Variants in CCSER1 observed in about 807,000 individuals in gnomAD.
CCSER1 encodes the protein coiled-coil serine rich protein 1, also known as serine-rich coiled-coil domain-containing protein 1.
Under a neutral mutation model 82.0 loss-of-function variants are expected in CCSER1, and 41 were observed. The ratio of observed to expected loss-of-function variants is 0.50; its 90% CI spans 0.39 to 0.65. The LOEUF is 0.65. CCSER1 is among the 30% of genes least tolerant of loss of function. The pLI is 0.00. For synonymous variants in CCSER1, 414 were observed against 383.9 expected (o/e 1.08, Z -0.92); for missense variants, 1,119 against 1,064.2 (o/e 1.05, Z -0.72).
chr4:91,539,362 C>G (rs966130155), intron 10 of CCSER1, among the ~76,000 whole-genome samples: 16 of 152,150 alleles, frequency 1.1e-4, no homozygotes, highest in African/African-American at 3.4e-4. Context: ...GACGCTTAAA[C>G]TTATCTTTGA....
In CCSER1 at chr4:91,497,423, C is replaced by T. The variant is rs112385176; in HGVS notation, c.2218-101149C>T. On this transcript the variant is annotated intron_variant, in intron 10 of 10. Coordinates refer to ENST00000509176, the MANE Select transcript of CCSER1 (RefSeq NM_001145065.2). ...AAGAGAAATCAATATCTAGCATTGG[C>T]AAATACTGAAAATAGAGAAATGAAA... Among the ~76,000 whole-genome samples, 234 of 151,554 alleles carry T rather than the reference C, an allele frequency of 1.5e-3. 1 individual carries two copies. Among genetic ancestry groups the T allele is most frequent in the African/African-American group, 5.4e-3 (222 of 41,430 alleles).
intron 1 of CCSER1, among the ~76,000 whole-genome samples, chr4:90,185,453 A>G (rs1448900931): frequency 1.3e-5 from 2 of 152,078 alleles, no homozygotes; most frequent in Non-Finnish European, 2.9e-5. Context: ...GATCTTTGAA[A>G]AAGAAGTCAA....
intron 1 of CCSER1, among the ~76,000 whole-genome samples, chr4:90,290,739 G>A (rs1730777780): frequency 3.3e-5 from 5 of 151,798 alleles, no homozygotes; most frequent in Admixed American, 2.0e-4. Context: ...TTGGAAAGTC[G>A]CTTAAAACTT....
intron 6 of CCSER1, among the ~76,000 whole-genome samples, chr4:90,643,276 AT>A (rs1726902479): frequency 6.6e-6 from 1 of 152,176 alleles, no homozygotes; most frequent in Non-Finnish European, 1.5e-5. Context: ...CATTAAATGA[AT>A]GAATGTGTGT....
intron 10 of CCSER1, among the ~76,000 whole-genome samples, chr4:91,207,895 T>G (rs1171589988): frequency 6.6e-6 from 1 of 151,894 alleles, no homozygotes; most frequent in Non-Finnish European, 1.5e-5. Context: ...ACATCTGATA[T>G]TTTTGACTTT....
At chr4:91,150,333 T>A (rs1305760819) in intron 10 of CCSER1, among the ~76,000 whole-genome samples, 1 of 152,202 alleles carries the variant, frequency 6.6e-6, no homozygotes, top group Non-Finnish European at 1.5e-5. Context: ...TGATTTTGTA[T>A]CCTGAGACTT....
At chr4:90,934,802 A>G (rs147633930) in intron 9 of CCSER1, among the ~76,000 whole-genome samples, 1,946 of 152,204 alleles carry the variant, frequency 0.013, 20 homozygotes, top group Non-Finnish European at 0.022. Flanking sequence ...ATGGTGGCAC[A>G]TGCCTGTAAT....
chr4:91,548,010 CGA>C (rs1476149782), intron 10 of CCSER1, among the ~76,000 whole-genome samples: 1 of 151,990 alleles, frequency 6.6e-6, no homozygotes, highest in Non-Finnish European at 1.5e-5. Flanking sequence ...TTCAAACTCC[CGA>C]GCTCAGGCAA....
intron 10 of CCSER1, among the ~76,000 whole-genome samples, chr4:91,500,949 T>C (rs1220858734): frequency 3.3e-5 from 5 of 151,916 alleles, no homozygotes; most frequent in Non-Finnish European, 7.4e-5. Context: ...TTTGAAGTAA[T>C]TGTGAAATTC....
chr4:90,449,978 C>G (rs1001354157), intron 4 of CCSER1, among the ~76,000 whole-genome samples: 8 of 152,216 alleles, frequency 5.3e-5, no homozygotes, highest in African/African-American at 1.9e-4. Context: ...TCGCAGCTGG[C>G]ATCTTCTCAG....
intron 5 of CCSER1, among the ~76,000 whole-genome samples, chr4:90,552,140 CTTAATA>C (rs1347040636): frequency 6.6e-6 from 1 of 152,148 alleles, no homozygotes; most frequent in Non-Finnish European, 1.5e-5. Context: ...GGCCCCACGA[CTTAATA>C]TTAATACTAT....
intron 5 of CCSER1, among the ~76,000 whole-genome samples, chr4:90,620,328 A>G (rs1489975969): frequency 6.6e-6 from 1 of 151,944 alleles, no homozygotes; most frequent in Non-Finnish European, 1.5e-5. Context: ...CCAGAATTTC[A>G]CAGTCTCTGT....
intron 10 of CCSER1, among the ~76,000 whole-genome samples, chr4:91,564,127 G>A (rs1044889304): frequency 1.3e-5 from 2 of 151,902 alleles, no homozygotes; most frequent in African/African-American, 4.8e-5. Context: ...TTATGAGTAA[G>A]AAGATGAGGT....
At chr4:90,818,075 A>G (rs868148876) in intron 8 of CCSER1, among the ~76,000 whole-genome samples, 1 of 152,072 alleles carries the variant, frequency 6.6e-6, no homozygotes, top group African/African-American at 2.4e-5. Flanking sequence ...ATCACAAGCA[A>G]TTGTATCTAC....
At chr4:90,386,735 A>C (rs1488669411) in intron 3 of CCSER1, among the ~76,000 whole-genome samples, 1 of 152,150 alleles carries the variant, frequency 6.6e-6, no homozygotes, top group African/African-American at 2.4e-5. Flanking sequence ...AAATATTCAC[A>C]CCTACTTTAG....
chr4:90,442,767 C>G (rs1171568646), intron 4 of CCSER1, among the ~76,000 whole-genome samples: 1 of 152,276 alleles, frequency 6.6e-6, no homozygotes, highest in East Asian at 1.9e-4. Context: ...TTTAACATAT[C>G]TTTCCAGAAG....
chr4:90,590,214 C>A (rs1782525915), intron 5 of CCSER1, among the ~76,000 whole-genome samples: 1 of 152,122 alleles, frequency 6.6e-6, no homozygotes. Flanking sequence ...AAAGAGGTTG[C>A]ACTGGGCCAA....
chr4:91,257,563 A>G (rs1740795003), intron 10 of CCSER1, among the ~76,000 whole-genome samples: 1 of 151,752 alleles, frequency 6.6e-6, no homozygotes, highest in Non-Finnish European at 1.5e-5. Context: ...TGTTTATTCC[A>G]AAGCGTTTAA....
At chr4:90,213,306 G>A (rs913228057) in intron 1 of CCSER1, among the ~76,000 whole-genome samples, 33 of 152,136 alleles carry the variant, frequency 2.2e-4, no homozygotes, top group African/African-American at 7.0e-4. Flanking sequence ...TTTCTGAGAT[G>A]GGGAAGGAGA....
Sources: gnomAD v4.1 joint callset for allele counts (sites outside exome capture counted in the v4.1 genomes callset) on GRCh38, gnomAD v4.1.1 for gene constraint, MANE v1.5 for transcripts, NCBI Gene and HGNC (gene_info 2026-07-23, HGNC 2026-07-21) for gene names.